PDE4B: variants seen among roughly 807,000 people sequenced by gnomAD.
PDE4B encodes 3',5'-cyclic-AMP phosphodiesterase 4B.
In PDE4B, 20 loss-of-function variants were observed where a neutral mutation model predicts 82.2. The observed-to-expected ratio is 0.24, with a 90% CI of 0.17 to 0.35. PDE4B has a LOEUF of 0.35. Ranked by LOEUF, PDE4B falls within the 10% of genes least tolerant of loss-of-function variation. The probability of loss-of-function intolerance (pLI) is 1.00; values close to 1 mark genes in which losing one functional copy is unlikely to be tolerated. For synonymous variants in PDE4B, 320 were observed against 318.9 expected (o/e 1.00, Z -0.04); for missense variants, 655 against 907.2 (o/e 0.72, Z 3.57).
At chr1:65,804,846 G>T (rs913878738) in intron 1 of PDE4B, among the ~76,000 whole-genome samples, 2 of 151,866 alleles carry the variant, frequency 1.3e-5, no homozygotes, top group Admixed American at 1.3e-4. Context: ...TAGTCACCCA[G>T]GGACCTTAGA....
intron 3 of PDE4B, among the ~76,000 whole-genome samples, chr1:66,189,737 A>AT (rs554665485): frequency 6.6e-6 from 1 of 151,060 alleles, no homozygotes; most frequent in East Asian, 1.9e-4. Flanking sequence ...CATTCATCTA[A>AT]TTTTTTTTTC....
chr1:66,065,108 G>A (rs1054560655), intron 3 of PDE4B, among the ~76,000 whole-genome samples: 2 of 151,776 alleles, frequency 1.3e-5, no homozygotes, highest in Admixed American at 1.3e-4. Flanking sequence ...TTTGCTTAGA[G>A]GTAGATTTAT....
At chr1:65,841,381 A>AAGG (rs143829481) in intron 1 of PDE4B, among the ~76,000 whole-genome samples, 2 of 150,226 alleles carry the variant, frequency 1.3e-5, no homozygotes, top group African/African-American at 4.9e-5. Flanking sequence ...AAAGGAAAGG[A>AAGG]AAGGAAGGAA....
At chr1:66,349,715 G>T (rs1345875741) in intron 8 of PDE4B, among the ~76,000 whole-genome samples, 1 of 152,134 alleles carries the variant, frequency 6.6e-6, no homozygotes, top group Non-Finnish European at 1.5e-5. Flanking sequence ...AACACAAAAA[G>T]GAGGGAAGAG....
chr1:66,013,673 C>CT (rs747480077), intron 3 of PDE4B, among the ~76,000 whole-genome samples: 22 of 151,920 alleles, frequency 1.4e-4, no homozygotes, highest in Admixed American at 7.2e-4. Context: ...GAAACCACCA[C>CT]TTTTTAAAAA....
intron 7 of PDE4B, among the ~76,000 whole-genome samples, chr1:66,273,249 C>T (rs1655640352): frequency 6.6e-6 from 1 of 152,264 alleles, no homozygotes; most frequent in Non-Finnish European, 1.5e-5. Context: ...ACTGAATATA[C>T]ATCCCTGAAA....
intron 3 of PDE4B, among the ~76,000 whole-genome samples, chr1:66,028,942 A>C (rs779654231): frequency 4.6e-5 from 7 of 152,126 alleles, no homozygotes; most frequent in Non-Finnish European, 1.0e-4. Flanking sequence ...AGCCTTTCAA[A>C]CTGTTCCAAC....
intron 3 of PDE4B, among the ~76,000 whole-genome samples, chr1:65,970,159 G>A (rs2186123): frequency 0.64 from 97,623 of 151,354 alleles, 31,611 homozygotes; most frequent in African/African-American, 0.69. Flanking sequence ...AACTGATTTA[G>A]TGGTTTAAAA....
intron 3 of PDE4B, among the ~76,000 whole-genome samples, chr1:66,104,204 T>C (rs929439208): frequency 6.6e-6 from 1 of 151,790 alleles, no homozygotes; most frequent in African/African-American, 2.4e-5. Flanking sequence ...TTTTTTGTTC[T>C]TGCGATAGTT....
chr1:65,818,567 T>A (rs767008171), intron 1 of PDE4B, among the ~76,000 whole-genome samples: 1 of 151,682 alleles, frequency 6.6e-6, no homozygotes, highest in Non-Finnish European at 1.5e-5. Context: ...GTATAAATAT[T>A]AGGAGATTCT....
chr1:66,338,291 G>GA (rs1325484206), intron 8 of PDE4B, among the ~76,000 whole-genome samples: 2 of 152,142 alleles, frequency 1.3e-5, no homozygotes, highest in South Asian at 4.1e-4. Flanking sequence ...TATAAAGAAA[G>GA]AAAAAAGTTT....
chr1:66,207,512 A>G (rs763995821), intron 3 of PDE4B, among the ~76,000 whole-genome samples: 7 of 152,222 alleles, frequency 4.6e-5, no homozygotes, highest in Non-Finnish European at 7.4e-5. Flanking sequence ...AATTTATTGT[A>G]TTTTTAATAA....
At chr1:66,144,209 T>A (rs148172504) in intron 3 of PDE4B, among the ~76,000 whole-genome samples, 1 of 152,202 alleles carries the variant, frequency 6.6e-6, no homozygotes, top group South Asian at 2.1e-4. Context: ...TTTTTTCCAT[T>A]GAAGAACTGC....
chr1:66,071,932 A>T (rs912211564), intron 3 of PDE4B, among the ~76,000 whole-genome samples: 14 of 152,048 alleles, frequency 9.2e-5, no homozygotes, highest in Non-Finnish European at 1.6e-4. Context: ...AAGCGGAAAA[A>T]TTTGAGGTAC....
intron 6 of PDE4B, 107 bp downstream of exon 6, chr1:66,257,970 CTAAGT>C: frequency 1.3e-6 from 1 of 744,638 alleles, no homozygotes; most frequent in South Asian, 1.6e-5. Context: ...GTCCTCTAAG[CTAAGT>C]TAATATACAC....
At chr1:66,291,375 T>C (rs181944281) in intron 7 of PDE4B, among the ~76,000 whole-genome samples, 11 of 152,304 alleles carry the variant, frequency 7.2e-5, no homozygotes. Flanking sequence ...TACAGTATAA[T>C]GGCAAATCAG....
At chr1:66,264,834 G>A (rs1006762342) in intron 6 of PDE4B, among the ~76,000 whole-genome samples, 4 of 152,180 alleles carry the variant, frequency 2.6e-5, no homozygotes, top group African/African-American at 4.8e-5. Flanking sequence ...ATTTGGCTTC[G>A]TTCTCACGCT....
rs1023409810 is a variant in PDE4B at position 65,953,159 on chromosome 1, C to T, written c.281+34324C>T. On this transcript the variant is annotated intron_variant, in intron 3 of 16. Transcript: ENST00000341517. ...CACTGTCTTAAGACCCTTCTGTCAC[C>T]TAGGATATTGTTTTTGGGAAACATC... 8.5e-5 allele frequency among the ~76,000 whole-genome samples: 13 copies of T among 152,126 alleles called. No homozygotes were observed. The East Asian group carries it at 2.5e-3, about 29-fold the overall frequency.
At chr1:66,350,510 A>T (rs1460865017) in intron 8 of PDE4B, among the ~76,000 whole-genome samples, 1 of 152,062 alleles carries the variant, frequency 6.6e-6, no homozygotes, top group African/African-American at 2.4e-5. Context: ...GTCACTCCTA[A>T]GTGATTTTCA....
Sources: gnomAD v4.1 joint callset for allele counts (sites outside exome capture counted in the v4.1 genomes callset) on GRCh38, gnomAD v4.1.1 for gene constraint, MANE v1.5 for transcripts, NCBI Gene and HGNC (gene_info 2026-07-23, HGNC 2026-07-21) for gene names.